COL24A1: variants seen among roughly 807,000 people sequenced by gnomAD.
COL24A1 encodes the protein collagen type XXIV alpha 1 chain.
In COL24A1, 224 loss-of-function variants were observed where a neutral mutation model predicts 253.9. That is an observed-to-expected ratio of 0.88 (90% CI 0.79 to 0.99). COL24A1 has a LOEUF of 0.99. COL24A1 is among the 50% of genes least tolerant of loss of function. The probability of loss-of-function intolerance (pLI) is 0.00; values close to 1 mark genes in which losing one functional copy is unlikely to be tolerated. For synonymous variants in COL24A1, 685 were observed against 673.7 expected (o/e 1.02, Z -0.26); for missense variants, 2,131 against 2,068.5 (o/e 1.03, Z -0.59).
intron 47 of COL24A1, among the ~76,000 whole-genome samples, chr1:85,802,569 A>G (rs1248576330): frequency 6.6e-6 from 1 of 152,158 alleles, no homozygotes; most frequent in Non-Finnish European, 1.5e-5. Context: ...ATTTATCTCT[A>G]TATACCTATT....
chr1:85,756,057 C>CAAAAAAAAA (rs200030128), intron 55 of COL24A1, among the ~76,000 whole-genome samples: 1 of 95,812 alleles, frequency 1.0e-5, no homozygotes. Flanking sequence ...TACTAACAAC[C>CAAAAAAAAA]AAAAAAAAAA....
chr1:85,988,637 G>C (rs1307810936), intron 19 of COL24A1, among the ~76,000 whole-genome samples: 1 of 152,020 alleles, frequency 6.6e-6, no homozygotes, highest in Non-Finnish European at 1.5e-5. Flanking sequence ...AAGTAAAGAA[G>C]GCTGAAATTA....
At chr1:85,984,723 A>G (rs1223231074) in intron 20 of COL24A1, among the ~76,000 whole-genome samples, 1 of 151,746 alleles carries the variant, frequency 6.6e-6, no homozygotes, top group Non-Finnish European at 1.5e-5. Context: ...ACCGCGAACT[A>G]TTAATTATTT....
intron 31 of COL24A1, among the ~76,000 whole-genome samples, chr1:85,890,086 C>A (rs903506773): frequency 2.0e-5 from 3 of 152,138 alleles, no homozygotes; most frequent in Non-Finnish European, 2.9e-5. Flanking sequence ...GTCAAAACTT[C>A]CTGCTTTTTA....
chr1:85,866,592 G>A (rs1423030936), intron 37 of COL24A1, among the ~76,000 whole-genome samples: 1 of 151,904 alleles, frequency 6.6e-6, no homozygotes, highest in Non-Finnish European at 1.5e-5. Context: ...TGACCCACAT[G>A]GTAAAACCCC....
chr1:86,148,159 C>G lies in COL24A1; in HGVS notation c.57-1976G>C, dbSNP rs181288702. Among the ~76,000 whole-genome samples the G allele has an allele frequency of 1.3e-4, 20 of 151,864 alleles. No individual in the cohort carries two copies. In the East Asian group the frequency reaches 3.7e-3, roughly 28 times the overall value. On this transcript the variant is annotated intron_variant, in intron 1 of 59. Coordinates refer to ENST00000370571, the MANE Select transcript of COL24A1 (RefSeq NM_152890.7). ...CCCCTTGGCTGCACACTGGAATTACCTGGGGAGTTTTGTTTTGTTTTTGTT... is the reference window on the plus strand; with the variant it reads ...CCCCTTGGCTGCACACTGGAATTACGTGGGGAGTTTTGTTTTGTTTTTGTT...
Position 85,993,938 on chromosome 1 carries a change from A to C in COL24A1, c.2311-6284T>G, listed in dbSNP as rs377094372. Among the ~76,000 whole-genome samples the C allele has an allele frequency of 2.4e-4, 36 of 152,136 alleles. 1 individual carries two copies. The highest frequency in any genetic ancestry group is 8.7e-4 in the African/African-American group (36 of 41,546). ...TGTTAAATTATAATAACAGCTTTAA[A>C]ACAAATTACATATTTTGGAAAATTG... On this transcript the variant is annotated intron_variant, in intron 19 of 59. Coordinates refer to ENST00000370571, the MANE Select transcript of COL24A1 (RefSeq NM_152890.7).
intron 8 of COL24A1, among the ~76,000 whole-genome samples, chr1:86,062,555 TG>T (rs1465051421): frequency 6.6e-6 from 1 of 152,078 alleles, no homozygotes; most frequent in Non-Finnish European, 1.5e-5. Context: ...CAGTTTTGAG[TG>T]AACTCGTCAG....
At chr1:85,926,205 G>T (rs978597554) in intron 24 of COL24A1, among the ~76,000 whole-genome samples, 2 of 152,174 alleles carry the variant, frequency 1.3e-5, no homozygotes, top group African/African-American at 4.8e-5. Flanking sequence ...GGAAAAATAG[G>T]AACGCTTTTA....
At chr1:85,840,220 C>T (rs1178799363) in intron 42 of COL24A1, among the ~76,000 whole-genome samples, 1 of 152,150 alleles carries the variant, frequency 6.6e-6, no homozygotes, top group South Asian at 2.1e-4. Context: ...AAAACAACCA[C>T]TACTATACTC....
intron 16 of COL24A1, 92 bp from the exon 17 acceptor site, chr1:86,022,683 C>T: frequency 2.9e-6 from 4 of 1,383,792 alleles, no homozygotes; most frequent in Non-Finnish European, 3.9e-6. Context: ...AGAATAATTT[C>T]TCTATTTTTC....
intron 24 of COL24A1, among the ~76,000 whole-genome samples, chr1:85,916,893 T>C (rs139140182): frequency 6.6e-6 from 1 of 152,336 alleles, no homozygotes; most frequent in Admixed American, 6.5e-5. Context: ...TCAGCACTTC[T>C]AGTTGTTCAC....
Position 85,796,300 on chromosome 1 carries a change from C to T in COL24A1, c.3952-9839G>A, listed in dbSNP as rs189793296. On this transcript the variant is annotated intron_variant, in intron 47 of 59. Coordinates refer to ENST00000370571, the MANE Select transcript of COL24A1 (RefSeq NM_152890.7). ...TGTTTTACTTCACAGAAATTATTTA[C>T]AACTGATGTTTTATCAATCCTAAAA... is the stretch of plus-strand genomic sequence containing the variant. 1.3e-3 allele frequency among the ~76,000 whole-genome samples: 204 copies of T among 152,228 alleles called. 1 individual carries two copies. Among genetic ancestry groups the T allele is most frequent in the African/African-American group, 4.7e-3 (194 of 41,546 alleles).
chr1:85,959,950 T>C lies in COL24A1; in HGVS notation c.2562+1299A>G, dbSNP rs142437282. Reference sequence around the variant, plus strand: ...ATCTTAGAGAAATATGTTACAATCATATTTGACTAGAAGCCTTTAATAACC... The same window carrying C: ...ATCTTAGAGAAATATGTTACAATCACATTTGACTAGAAGCCTTTAATAACC... On this transcript the variant is annotated intron_variant, in intron 24 of 59. Coordinates refer to ENST00000370571, the MANE Select transcript of COL24A1 (RefSeq NM_152890.7). Among the ~76,000 whole-genome samples, 397 of 152,280 alleles carry C rather than the reference T, an allele frequency of 2.6e-3. 1 individual carries two copies. Among genetic ancestry groups the C allele is most frequent in the African/African-American group, 8.0e-3 (331 of 41,570 alleles).
At chr1:85,903,787 C>T (rs1558596519) in intron 28 of COL24A1, among the ~76,000 whole-genome samples, 1 of 152,140 alleles carries the variant, frequency 6.6e-6, no homozygotes, top group Non-Finnish European at 1.5e-5. Context: ...GTTAACATTA[C>T]TCATGTGCCT....
At chr1:85,858,684 C>T (rs554381343) in intron 37 of COL24A1, among the ~76,000 whole-genome samples, 3 of 149,556 alleles carry the variant, frequency 2.0e-5, no homozygotes, top group South Asian at 4.3e-4. Context: ...TCCTTCCCTC[C>T]GTCCTTCTTC....
intron 7 of COL24A1, among the ~76,000 whole-genome samples, chr1:86,084,706 T>G (rs988392328): frequency 6.6e-6 from 1 of 152,204 alleles, no homozygotes; most frequent in Non-Finnish European, 1.5e-5. Context: ...GGAATTTCAA[T>G]CATATGAGCC....
chr1:86,077,516 CT>C (rs1227091346), intron 7 of COL24A1, among the ~76,000 whole-genome samples: 3 of 152,086 alleles, frequency 2.0e-5, no homozygotes, highest in Non-Finnish European at 4.4e-5. Flanking sequence ...ATAAATCAGT[CT>C]ACTATAAAGA....
At chr1:86,043,608 A>ACCT in intron 12 of COL24A1, among the ~76,000 whole-genome samples, 1 of 151,932 alleles carries the variant, frequency 6.6e-6, no homozygotes, top group South Asian at 2.1e-4. Flanking sequence ...GCTCACTGCA[A>ACCT]CCTCCGCCTC....
Sources: gnomAD v4.1 joint callset for allele counts (sites outside exome capture counted in the v4.1 genomes callset) on GRCh38, gnomAD v4.1.1 for gene constraint, MANE v1.5 for transcripts, NCBI Gene and HGNC (gene_info 2026-07-23, HGNC 2026-07-21) for gene names.